The following NTM variants were observed in gnomAD, a reference collection of about 807,000 sequenced individuals.
The protein encoded by NTM is neurotrimin.
A neutral mutation model predicts 42.1 loss-of-function variants in NTM; 13 were observed. The ratio of observed to expected loss-of-function variants is 0.31; its 90% CI spans 0.20 to 0.49. NTM has a LOEUF of 0.49. NTM is among the 20% of genes least tolerant of loss of function. NTM has a pLI of 0.99. For missense variants in NTM, 373 were observed against 452.8 expected, an observed-to-expected ratio of 0.82 and a Z score of 1.60; for synonymous variants, 187 against 179.2, an observed-to-expected ratio of 1.04 and a Z score of -0.35.
intron 1 of NTM, among the ~76,000 whole-genome samples, chr11:131,523,406 G>A (rs148597074): frequency 2.7e-4 from 41 of 152,316 alleles, no homozygotes; most frequent in African/African-American, 9.9e-4. Context: ...ACATGGTAAA[G>A]ATAGCAGTCA....
At chr11:131,658,576 C>T (rs935798419) in intron 1 of NTM, among the ~76,000 whole-genome samples, 4 of 152,186 alleles carry the variant, frequency 2.6e-5, no homozygotes, top group South Asian at 2.1e-4. Flanking sequence ...TCTGATTCAG[C>T]GACCTCTCTT....
intron 1 of NTM, chr11:131,538,167 A>G (rs1025027973): frequency 6.6e-4 from 100 of 152,368 alleles, no homozygotes; most frequent in African/African-American, 2.4e-3. Flanking sequence ...ATTTTAAAAC[A>G]TGAACATGTG....
At chr11:131,711,118 A>G (rs1332411262) in intron 1 of NTM, among the ~76,000 whole-genome samples, 3 of 152,234 alleles carry the variant, frequency 2.0e-5, no homozygotes, top group African/African-American at 7.2e-5. Context: ...ATAAAAGACA[A>G]AATTGACAAA....
intron 1 of NTM, among the ~76,000 whole-genome samples, chr11:131,465,099 A>G (rs1951765148): frequency 6.6e-6 from 1 of 152,180 alleles, no homozygotes. Context: ...CCCCAGAATG[A>G]TTTATATTTG....
chr11:132,114,176 A>AT (rs561104432), intron 2 of NTM, among the ~76,000 whole-genome samples: 1 of 152,238 alleles, frequency 6.6e-6, no homozygotes, highest in Non-Finnish European at 1.5e-5. Flanking sequence ...TATTGAAAAG[A>AT]TCTTATCTTG....
intron 4 of NTM, among the ~76,000 whole-genome samples, chr11:132,299,904 C>A (rs1037263): frequency 2.0e-5 from 3 of 151,608 alleles, no homozygotes; most frequent in Non-Finnish European, 4.4e-5. Flanking sequence ...TATATATGTA[C>A]GTATATTACA....
At chr11:131,833,374 A>G (rs2043067539) in intron 1 of NTM, among the ~76,000 whole-genome samples, 1 of 152,228 alleles carries the variant, frequency 6.6e-6, no homozygotes, top group Non-Finnish European at 1.5e-5. Flanking sequence ...CTTCACATAC[A>G]CTACCTCATG....
chr11:132,077,316 T>A (rs1373974035), intron 2 of NTM, among the ~76,000 whole-genome samples: 1 of 152,254 alleles, frequency 6.6e-6, no homozygotes, highest in African/African-American at 2.4e-5. Context: ...TTACTTGATT[T>A]AAAATGATGA....
intron 1 of NTM, among the ~76,000 whole-genome samples, chr11:131,717,238 A>G (rs1311296531): frequency 6.6e-6 from 1 of 152,156 alleles, no homozygotes; most frequent in Non-Finnish European, 1.5e-5. Flanking sequence ...TTCCATATAG[A>G]TTTTTAAATT....
chr11:132,204,088 C>G (rs956087625), intron 3 of NTM, among the ~76,000 whole-genome samples: 1 of 152,162 alleles, frequency 6.6e-6, no homozygotes, highest in East Asian at 1.9e-4. Flanking sequence ...AGTTTTATGT[C>G]TCAAGAAACT....
At chr11:131,982,266 C>G (rs1334813674) in intron 2 of NTM, among the ~76,000 whole-genome samples, 1 of 152,004 alleles carries the variant, frequency 6.6e-6, no homozygotes, top group Non-Finnish European at 1.5e-5. Flanking sequence ...GGAACTTGCC[C>G]TGATTGGAGT....
chr11:132,248,766 A>G (rs780795870), intron 4 of NTM, among the ~76,000 whole-genome samples: 26 of 152,226 alleles, frequency 1.7e-4, no homozygotes, highest in Non-Finnish European at 3.4e-4. Flanking sequence ...GGAGGGAAAC[A>G]TGTATCAGCC....
intron 1 of NTM, among the ~76,000 whole-genome samples, chr11:131,787,586 A>G (rs1332134516): frequency 3.3e-5 from 5 of 151,976 alleles, no homozygotes; most frequent in Non-Finnish European, 7.4e-5. Flanking sequence ...GGGTTTCACC[A>G]TGTTGGCCAG....
At chr11:131,772,419 G>C (rs1201165127) in intron 1 of NTM, among the ~76,000 whole-genome samples, 1 of 152,176 alleles carries the variant, frequency 6.6e-6, no homozygotes, top group African/African-American at 2.4e-5. Flanking sequence ...TCCTGGGTGG[G>C]CCTGACCTAA....
intron 2 of NTM, among the ~76,000 whole-genome samples, chr11:132,052,489 A>G (rs186010874): frequency 9.2e-4 from 140 of 152,298 alleles, no homozygotes; most frequent in Non-Finnish European, 9.6e-4. Context: ...CATGCTTATC[A>G]GGGCAAGGAA....
At chr11:132,143,355 A>C (rs2069606081) in intron 2 of NTM, among the ~76,000 whole-genome samples, 1 of 152,164 alleles carries the variant, frequency 6.6e-6, no homozygotes, top group Non-Finnish European at 1.5e-5. Context: ...TCTCTTTTTT[A>C]TCAGGTCTTT....
chr11:131,764,347 A>C (rs1178194482), intron 1 of NTM, among the ~76,000 whole-genome samples: 1 of 152,138 alleles, frequency 6.6e-6, no homozygotes, highest in Non-Finnish European at 1.5e-5. Context: ...TCAGGCTTGG[A>C]GAGGGCAGAT....
At chr11:132,004,599 C>T (rs2070270913) in intron 2 of NTM, among the ~76,000 whole-genome samples, 1 of 103,020 alleles carries the variant, frequency 9.7e-6, no homozygotes, top group Non-Finnish European at 1.9e-5. Flanking sequence ...CTCTCTCTTT[C>T]TCTCTTTCTC....
intron 1 of NTM, among the ~76,000 whole-genome samples, chr11:131,846,681 C>T (rs1024737193): frequency 6.6e-6 from 1 of 152,018 alleles, no homozygotes; most frequent in Non-Finnish European, 1.5e-5. Context: ...CTAAATAGTA[C>T]ATATTCCATG....
Sources: gnomAD v4.1 joint callset for allele counts (sites outside exome capture counted in the v4.1 genomes callset) on GRCh38, gnomAD v4.1.1 for gene constraint, MANE v1.5 for transcripts, NCBI Gene and HGNC (gene_info 2026-07-23, HGNC 2026-07-21) for gene names.